The following VPS13B variants were observed in gnomAD, a reference collection of about 807,000 sequenced individuals.
VPS13B encodes the protein vacuolar protein sorting 13 homolog B.
Under a neutral mutation model 426.4 loss-of-function variants are expected in VPS13B, and 285 were observed. The ratio of observed to expected loss-of-function variants is 0.67; its 90% confidence interval spans 0.61 to 0.74. The LOEUF (loss-of-function observed/expected upper bound fraction) is 0.74, where lower values mean the gene tolerates loss of function less well. Ranked by LOEUF, VPS13B falls within the 30% of genes least tolerant of loss-of-function variation. The pLI is 0.00. For missense variants in VPS13B, 4,537 were observed against 4,782.6 expected (o/e 0.95, Z 1.51); for synonymous variants, 1,676 against 1,676.4 (o/e 1.00, Z 0.01).
chr8:99,525,930 T>G (rs981745624), intron 30 of VPS13B, among the ~76,000 whole-genome samples: 1 of 152,134 alleles, frequency 6.6e-6, no homozygotes, highest in African/African-American at 2.4e-5. Context: ...CAGGGGAATT[T>G]AGCAGGCTGT....
At chr8:99,230,914 G>A (rs1816288330) in intron 17 of VPS13B, among the ~76,000 whole-genome samples, 2 of 152,224 alleles carry the variant, frequency 1.3e-5, no homozygotes, top group African/African-American at 4.8e-5. Flanking sequence ...TCACTTCAGT[G>A]TCATTTGTGG....
intron 17 of VPS13B, among the ~76,000 whole-genome samples, chr8:99,259,432 A>T (rs574841351): frequency 6.6e-6 from 1 of 152,088 alleles, no homozygotes; most frequent in Non-Finnish European, 1.5e-5. Flanking sequence ...CAACCCCACT[A>T]ACCAGTGGAT....
At chr8:99,359,787 A>G (rs1812395514) in intron 19 of VPS13B, among the ~76,000 whole-genome samples, 1 of 152,196 alleles carries the variant, frequency 6.6e-6, no homozygotes, top group Non-Finnish European at 1.5e-5. Context: ...GCGTACAACC[A>G]AAACCATGTG....
At position 99,859,554 on chromosome 8, in the gene VPS13B, GT is replaced by G. The variant is rs367632326; in HGVS notation, c.11044+78del. The stretch of plus-strand genomic sequence containing the variant: ...TTTTTTTTTTAAAGAATGTGCTAAA[GT>G]TTTAAATGCATTCAGATTGCCTCTA... On this transcript the variant is annotated intron_variant, in intron 57 of 61. Coordinates refer to ENST00000357162, the MANE Select transcript of VPS13B (RefSeq NM_152564.5). The G allele has an allele frequency of 5.3e-4, 838 of 1,569,658 alleles. 1 individual carries two copies. Among genetic ancestry groups the G allele is most frequent in the Non-Finnish European group, 6.8e-4 (790 of 1,159,128 alleles).
intron 54 of VPS13B, among the ~76,000 whole-genome samples, chr8:99,836,750 G>A (rs755900270): frequency 2.0e-5 from 3 of 152,136 alleles, no homozygotes; most frequent in Admixed American, 6.5e-5. Flanking sequence ...ATGCATTTAC[G>A]GTAGTAATAA....
At chr8:99,034,705 C>CA (rs1842664958) in intron 2 of VPS13B, among the ~76,000 whole-genome samples, 2 of 152,096 alleles carry the variant, frequency 1.3e-5, no homozygotes, top group Non-Finnish European at 2.9e-5. Flanking sequence ...TTGCCTGACC[C>CA]AAATTGTATT....
intron 19 of VPS13B, among the ~76,000 whole-genome samples, chr8:99,322,118 G>T (rs1171203770): frequency 6.6e-6 from 1 of 152,070 alleles, no homozygotes; most frequent in Non-Finnish European, 1.5e-5. Context: ...CAACCTTGTT[G>T]TTTGTGCCCT....
intron 21 of VPS13B, among the ~76,000 whole-genome samples, chr8:99,409,580 A>G (rs538638693): frequency 6.6e-6 from 1 of 152,296 alleles, no homozygotes; most frequent in African/African-American, 2.4e-5. Flanking sequence ...AATTACCAAA[A>G]AATAATCAAA....
At chr8:99,717,458 C>A (rs1228433097) in intron 37 of VPS13B, 85 bp downstream of exon 37, 81 of 1,248,556 alleles carry the variant, frequency 6.5e-5, no homozygotes, top group Non-Finnish European at 8.8e-5. Flanking sequence ...AATTTTAAAT[C>A]TTTGTGTGGT....
chr8:99,051,757 G>T (rs1398719805), intron 3 of VPS13B, among the ~76,000 whole-genome samples: 1 of 152,142 alleles, frequency 6.6e-6, no homozygotes, highest in Non-Finnish European at 1.5e-5. Context: ...TCCCTTGTAA[G>T]TTGGATTCCT....
intron 26 of VPS13B, 81 bp from the exon 27 acceptor site, chr8:99,502,755 G>A: frequency 9.2e-7 from 1 of 1,088,750 alleles, no homozygotes; most frequent in Non-Finnish European, 1.4e-6. Flanking sequence ...GCATGCATTT[G>A]TCAATGTGAA....
chr8:99,342,477 C>T (rs1811305633), intron 19 of VPS13B, among the ~76,000 whole-genome samples: 1 of 151,786 alleles, frequency 6.6e-6, no homozygotes, highest in South Asian at 2.1e-4. Context: ...ATTTCACATA[C>T]ATGTGAGATC....
chr8:99,588,018 C>T (rs1456255908), intron 33 of VPS13B, among the ~76,000 whole-genome samples: 18 of 151,816 alleles, frequency 1.2e-4, no homozygotes, highest in Middle Eastern at 3.4e-3. Flanking sequence ...AGGAAGGGAT[C>T]TAGTTTCAGC....
chr8:99,351,206 T>G (rs1811860284), intron 19 of VPS13B, among the ~76,000 whole-genome samples: 1 of 152,222 alleles, frequency 6.6e-6, no homozygotes, highest in Admixed American at 6.5e-5. Context: ...ATGTTTATTT[T>G]ACAGCATTTG....
At chr8:99,801,253 CTCCT>C (rs984471020) in intron 43 of VPS13B, among the ~76,000 whole-genome samples, 4 of 152,146 alleles carry the variant, frequency 2.6e-5, no homozygotes, top group Non-Finnish European at 5.9e-5. Context: ...TCCAGAGTGA[CTCCT>C]TCTTTCCAAA....
chr8:99,102,999 T>A lies in VPS13B; in HGVS notation c.459T>A (p.Ile153=). ...LIRRVVNNVN[I]VINNLILKYV... ...GACGAGTTGTAAATAATGTAAACAT[T>A]GTGATAAATAATCTCATACTAAAAT... Residue 153 remains isoleucine (I), a synonymous_variant, in exon 5 of 62, where the codon ATT becomes ATA. Transcript: ENST00000357162. 6.2e-7 allele frequency: 1 copy of A among 1,612,634 alleles called. No homozygotes were observed. Among genetic ancestry groups the A allele is most frequent in the Non-Finnish European group, 8.5e-7 (1 of 1,178,772 alleles).
At chr8:99,386,058 G>A (rs1814104884) in intron 20 of VPS13B, among the ~76,000 whole-genome samples, 1 of 152,186 alleles carries the variant, frequency 6.6e-6, no homozygotes, top group Admixed American at 6.5e-5. Context: ...TACTCTAGCA[G>A]AATATAGAGA....
chr8:99,619,755 T>G (rs1828270352), intron 33 of VPS13B, among the ~76,000 whole-genome samples: 1 of 151,930 alleles, frequency 6.6e-6, no homozygotes, highest in Admixed American at 6.6e-5. Flanking sequence ...CCTATAGTCT[T>G]AGCTACTTTG....
intron 34 of VPS13B, 132 bp downstream of exon 34, chr8:99,642,630 A>G (rs1829416505): frequency 1.3e-5 from 10 of 783,370 alleles, no homozygotes; most frequent in Non-Finnish European, 2.1e-5. Flanking sequence ...TGGAAAGTTC[A>G]TGTTCCACAG....
Sources: allele counts gnomAD v4.1 joint callset (sites outside exome capture counted in the v4.1 genomes callset), GRCh38; gene constraint gnomAD v4.1.1; transcripts MANE v1.5; gene names NCBI Gene and HGNC (gene_info 2026-07-23, HGNC 2026-07-21).